Variants in AHRR observed in about 807,000 individuals in gnomAD.
AHRR encodes ahR repressor.
Under a neutral mutation model 44.0 loss-of-function variants are expected in AHRR, and 28 were observed. The ratio of observed to expected loss-of-function variants is 0.64; its 90% confidence interval spans 0.47 to 0.87. The LOEUF (loss-of-function observed/expected upper bound fraction) is 0.87. Ranked by LOEUF, AHRR falls within the 40% of genes least tolerant of loss-of-function variation. The pLI is 0.00. For missense variants in AHRR, 990 were observed against 953.9 expected, an observed-to-expected ratio of 1.04 and a Z score of -0.50; for synonymous variants, 434 against 407.0, an observed-to-expected ratio of 1.07 and a Z score of -0.80.
At chr5:402,995 A>G (rs1735081570) in intron 4 of AHRR, among the ~76,000 whole-genome samples, 1 of 152,210 alleles carries the variant, frequency 6.6e-6, no homozygotes, top group African/African-American at 2.4e-5. Flanking sequence ...AGTGGAACTC[A>G]TCGAAACAGA....
At chr5:339,947 A>G (rs905399135) in intron 1 of AHRR, among the ~76,000 whole-genome samples, 1 of 152,218 alleles carries the variant, frequency 6.6e-6, no homozygotes, top group Non-Finnish European at 1.5e-5. Flanking sequence ...CTATTTGCCA[A>G]TACCTATATT....
At chr5:351,428 G>A (rs1314520146) in intron 2 of AHRR, among the ~76,000 whole-genome samples, 2 of 152,218 alleles carry the variant, frequency 1.3e-5, no homozygotes, top group East Asian at 3.8e-4. Flanking sequence ...CCCTGAAAAG[G>A]AAGGAAGCAC....
At chr5:391,373 TGGGCGCAGGGCG>T (rs1734428670) in intron 4 of AHRR, among the ~76,000 whole-genome samples, 1 of 70,428 alleles carries the variant, frequency 1.4e-5, no homozygotes, top group African/African-American at 7.6e-5. Flanking sequence ...AGAGCGTGCA[TGGGCGCAGGGCG>T]AGGAGGGCGC....
At chr5:332,490 A>G (rs1427422796) in intron 1 of AHRR, among the ~76,000 whole-genome samples, 1 of 151,750 alleles carries the variant, frequency 6.6e-6, no homozygotes, top group Non-Finnish European at 1.5e-5. Flanking sequence ...CTGGTCTCGA[A>G]CTCCTGACCT....
intron 1 of AHRR, among the ~76,000 whole-genome samples, chr5:322,228 T>C (rs930598086): frequency 6.6e-6 from 1 of 152,080 alleles, no homozygotes; most frequent in Non-Finnish European, 1.5e-5. Context: ...ATGTTCAGGC[T>C]TGGTTTCAGT....
At chr5:353,170 C>T (rs1560888416) in intron 2 of AHRR, among the ~76,000 whole-genome samples, 2 of 152,180 alleles carry the variant, frequency 1.3e-5, no homozygotes, top group Non-Finnish European at 2.9e-5. Context: ...CACCTGGTCT[C>T]ATTTGCCCTG....
chr5:349,327 C>T (rs1226862204), intron 2 of AHRR, among the ~76,000 whole-genome samples: 4 of 152,156 alleles, frequency 2.6e-5, no homozygotes, highest in Non-Finnish European at 1.5e-5. Context: ...CCTGTAATCC[C>T]AGCACTTTGG....
chr5:371,217 G>A (rs1288394950), intron 3 of AHRR, among the ~76,000 whole-genome samples: 1 of 152,204 alleles, frequency 6.6e-6, no homozygotes, highest in Non-Finnish European at 1.5e-5. Context: ...CACTGGGGAA[G>A]ACCACTGGCT....
chr5:428,324 C>A (rs2126543015), intron 8 of AHRR, among the ~76,000 whole-genome samples: 1 of 152,330 alleles, frequency 6.6e-6, no homozygotes, highest in Non-Finnish European at 1.5e-5. Flanking sequence ...GTGGCCCCTG[C>A]CTTTCTCCAT....
chr5:366,610 C>A (rs933937081), intron 3 of AHRR, among the ~76,000 whole-genome samples: 2 of 152,106 alleles, frequency 1.3e-5, no homozygotes, highest in African/African-American at 4.8e-5. Flanking sequence ...TGGGATGAGA[C>A]AGGATTTTTG....
chr5:425,021 A>G (rs1736321575), intron 7 of AHRR, among the ~76,000 whole-genome samples: 1 of 152,160 alleles, frequency 6.6e-6, no homozygotes, highest in South Asian at 2.1e-4. Context: ...CTGCAATTCA[A>G]TGCCACAAGG....
intron 4 of AHRR, among the ~76,000 whole-genome samples, chr5:378,589 G>T (rs995704370): frequency 2.0e-5 from 3 of 152,244 alleles, no homozygotes; most frequent in Admixed American, 1.3e-4. Flanking sequence ...GCCACAGCCC[G>T]TGGCTTCCCC....
At chr5:413,742 C>A (rs1007209332) in intron 5 of AHRR, among the ~76,000 whole-genome samples, 1 of 152,210 alleles carries the variant, frequency 6.6e-6, no homozygotes. Flanking sequence ...CCCACCAGCA[C>A]CATCCCATTC....
At chr5:421,404 G>C (rs540585982) in intron 5 of AHRR, 6 of 572,132 alleles carry the variant, frequency 1.0e-5, no homozygotes, top group Non-Finnish European at 1.9e-5. Context: ...AGGGCGGCCC[G>C]GACTCAGAGG....
chr5:375,724 C>T (rs1328753114), intron 3 of AHRR, among the ~76,000 whole-genome samples: 1 of 152,210 alleles, frequency 6.6e-6, no homozygotes, highest in African/African-American at 2.4e-5. Context: ...CTGGGGCCAG[C>T]TGCTTGCTGG....
intron 8 of AHRR, among the ~76,000 whole-genome samples, chr5:429,054 G>C (rs1736598837): frequency 6.6e-6 from 1 of 152,226 alleles, no homozygotes; most frequent in Non-Finnish European, 1.5e-5. Context: ...GTGGCTGGGG[G>C]CTGGGGACCC....
At chr5:402,440 G>A (rs572419583) in intron 4 of AHRR, among the ~76,000 whole-genome samples, 3 of 127,532 alleles carry the variant, frequency 2.4e-5, no homozygotes, top group South Asian at 2.6e-4. Context: ...GGGGACCCTC[G>A]TGCACTGTTG....
intron 8 of AHRR, among the ~76,000 whole-genome samples, chr5:430,888 T>C (rs1736691868): frequency 6.6e-6 from 1 of 152,090 alleles, no homozygotes; most frequent in Non-Finnish European, 1.5e-5. Flanking sequence ...AGGATGGAAA[T>C]GTAGAGTGCA....
intron 3 of AHRR, among the ~76,000 whole-genome samples, chr5:374,508 G>A (rs908572669): frequency 6.6e-6 from 1 of 152,228 alleles, no homozygotes; most frequent in African/African-American, 2.4e-5. Flanking sequence ...CCCCCACCTC[G>A]GTGGACTGTT....
Sources: allele counts gnomAD v4.1 joint callset (sites outside exome capture counted in the v4.1 genomes callset), GRCh38; gene constraint gnomAD v4.1.1; transcripts MANE v1.5; gene names NCBI Gene and HGNC (gene_info 2026-07-23, HGNC 2026-07-21).